The following HHIP variants were observed in gnomAD, a reference collection of about 807,000 sequenced individuals.
HHIP encodes hedgehog interacting protein.
In HHIP, 12 loss-of-function variants were observed where a neutral mutation model predicts 74.0. The observed-to-expected ratio is 0.16, with a 90% CI of 0.10 to 0.26. The LOEUF is 0.26. Ranked by LOEUF, HHIP falls within the 10% of genes least tolerant of loss-of-function variation. The pLI is 1.00. For synonymous variants in HHIP, 309 were observed against 311.6 expected (o/e 0.99, Z 0.09); for missense variants, 788 against 845.0 (o/e 0.93, Z 0.84).
chr4:144,662,133 T>C (rs992839064), intron 4 of HHIP, among the ~76,000 whole-genome samples: 1 of 152,208 alleles, frequency 6.6e-6, no homozygotes, highest in Non-Finnish European at 1.5e-5. Flanking sequence ...TGGCTATTTT[T>C]AAAAAATCTG....
intron 10 of HHIP, among the ~76,000 whole-genome samples, chr4:144,716,854 G>GAAAAAAA (rs869028218): frequency 0.019 from 1,014 of 54,724 alleles, 46 homozygotes; most frequent in Non-Finnish European, 0.024. Flanking sequence ...CGTCTCAAAA[G>GAAAAAAA]AAAAAAAAAA....
chr4:144,681,553 T>C (rs1729345424), intron 4 of HHIP, among the ~76,000 whole-genome samples: 1 of 150,652 alleles, frequency 6.6e-6, no homozygotes, highest in African/African-American at 2.4e-5. Flanking sequence ...GCCTCCCGAG[T>C]AACTGGGACT....
rs1731276505 is a variant in HHIP, at chr4:144,742,147, G to T, written c.*4190G>T. 6.6e-6 allele frequency: 1 copy of T among 151,348 alleles called. No homozygotes were observed. The highest frequency in any genetic ancestry group is 2.4e-5 in the African/African-American group (1 of 41,110). 9.4% of individuals were successfully genotyped at this position (151,348 alleles called of 1,614,324 possible). A position where few individuals can be genotyped will look rare whatever the true frequency, so the allele number is the denominator to read the frequency against. On this transcript the variant is annotated 3_prime_UTR_variant, in exon 13 of 13. Transcript: ENST00000296575. ...CTCTCCTACATTTTCTATTGGTTTT[G>T]CCTAAATAGACATGTTCTCAATACA...
At chr4:144,724,120 A>G (rs1469352239) in intron 11 of HHIP, among the ~76,000 whole-genome samples, 2 of 152,224 alleles carry the variant, frequency 1.3e-5, no homozygotes, top group Admixed American at 6.5e-5. Context: ...GCATGCATAC[A>G]TAATAGATGG....
At chr4:144,725,732 G>A (rs1032234696) in intron 11 of HHIP, among the ~76,000 whole-genome samples, 18 of 152,014 alleles carry the variant, frequency 1.2e-4, no homozygotes, top group African/African-American at 4.3e-4. Context: ...GCAATGGCAC[G>A]ATCTCGGCTC....
chr4:144,718,790 T>G (rs1262379090), intron 10 of HHIP, 85 bp from the exon 11 acceptor site: 1 of 799,958 alleles, frequency 1.3e-6, no homozygotes, highest in Non-Finnish European at 2.2e-6. Context: ...GGAGATAGAT[T>G]GACATATAGA....
intron 10 of HHIP, among the ~76,000 whole-genome samples, chr4:144,717,011 C>CAT (rs1730472930): frequency 6.6e-6 from 1 of 151,968 alleles, no homozygotes; most frequent in Admixed American, 6.6e-5. Context: ...ACGTCACCAC[C>CAT]ATTAGGTAAA....
At chr4:144,734,064 C>T (rs1731039662) in intron 11 of HHIP, among the ~76,000 whole-genome samples, 1 of 151,488 alleles carries the variant, frequency 6.6e-6, no homozygotes, top group African/African-American at 2.4e-5. Flanking sequence ...ATATATGGAT[C>T]AAAATCAGAT....
chr4:144,702,914 T>C (rs1463743408), intron 4 of HHIP, among the ~76,000 whole-genome samples: 1 of 152,058 alleles, frequency 6.6e-6, no homozygotes, highest in Admixed American at 6.6e-5. Flanking sequence ...TGGTTAACAG[T>C]TTTTAAAAGT....
At chr4:144,651,595 G>T (rs1728429672) in intron 1 of HHIP, among the ~76,000 whole-genome samples, 4 of 151,930 alleles carry the variant, frequency 2.6e-5, no homozygotes, top group Admixed American at 2.0e-4. Context: ...TTGGGAAAAG[G>T]TATAAAATTC....
At chr4:144,647,907 C>T (rs1728310816) in intron 1 of HHIP, among the ~76,000 whole-genome samples, 1 of 151,978 alleles carries the variant, frequency 6.6e-6, no homozygotes, top group South Asian at 2.1e-4. Context: ...TTAAGAATTC[C>T]TCTGTTAGAA....
At chr4:144,648,695 C>G (rs114612216) in intron 1 of HHIP, 1 of 152,190 alleles carries the variant, frequency 6.6e-6, no homozygotes. Context: ...GATCTAGAGA[C>G]CCCTGCAATA....
At chr4:144,652,929 T>A (rs1156291276) in intron 2 of HHIP, 132 bp downstream of exon 2, 1 of 588,712 alleles carries the variant, frequency 1.7e-6, no homozygotes, top group Non-Finnish European at 2.9e-6. Context: ...TACCTCATAA[T>A]TAACATTTCC....
At chr4:144,661,271 G>A (rs1463168128) in intron 4 of HHIP, 2 of 152,146 alleles carry the variant, frequency 1.3e-5, no homozygotes, top group Non-Finnish European at 2.9e-5. Context: ...GGATATAACA[G>A]TACCTTGGTT....
chr4:144,722,397 G>C (rs1303998181), intron 11 of HHIP, among the ~76,000 whole-genome samples: 1 of 152,166 alleles, frequency 6.6e-6, no homozygotes, highest in Non-Finnish European at 1.5e-5. Flanking sequence ...TCTACAGAGG[G>C]CTGTGAAGGT....
rs1274287168 is a variant in HHIP at position 144,740,551 on chromosome 4, T to C, written c.*2594T>C. The stretch of plus-strand genomic sequence containing the variant: ...AAAGTAGATAGCACTGGCTAATTGA[T>C]GGCAACATATTTTAAATTAAGTGGT... On this transcript the variant is annotated 3_prime_UTR_variant, in exon 13 of 13. Coordinates refer to ENST00000296575, the MANE Select transcript of HHIP (RefSeq NM_022475.3). 6.6e-6 allele frequency: 1 copy of C among 152,232 alleles called. No individual in the cohort carries two copies. The highest frequency in any genetic ancestry group is 1.5e-5 in the Non-Finnish European group (1 of 68,038). The allele number at this position is 152,232 out of a possible 1,614,324, so 9.4% of individuals were successfully genotyped here. A position where few individuals can be genotyped will look rare whatever the true frequency, so the allele number is the denominator to read the frequency against.
At chr4:144,710,528 C>T (rs1462978206) in intron 7 of HHIP, among the ~76,000 whole-genome samples, 1 of 152,172 alleles carries the variant, frequency 6.6e-6, no homozygotes, top group Non-Finnish European at 1.5e-5. Flanking sequence ...TAAGAACCAG[C>T]ACCAACTCTC....
chr4:144,687,353 T>G (rs1729520216), intron 4 of HHIP, among the ~76,000 whole-genome samples: 1 of 152,218 alleles, frequency 6.6e-6, no homozygotes, highest in African/African-American at 2.4e-5. Flanking sequence ...AAGGGCTGAA[T>G]GTAGTATCTG....
intron 4 of HHIP, among the ~76,000 whole-genome samples, chr4:144,667,074 A>C (rs1161337830): frequency 2.0e-5 from 3 of 152,160 alleles, no homozygotes; most frequent in Non-Finnish European, 4.4e-5. Context: ...CATAAAATGA[A>C]TTTTGGTGGC....
Sources: gnomAD v4.1 joint callset for allele counts (sites outside exome capture counted in the v4.1 genomes callset) on GRCh38, gnomAD v4.1.1 for gene constraint, MANE v1.5 for transcripts, NCBI Gene and HGNC (gene_info 2026-07-23, HGNC 2026-07-21) for gene names.